The following SPATA13 variants were observed in gnomAD, a reference collection of about 807,000 sequenced individuals.
The protein encoded by SPATA13 is spermatogenesis-associated protein 13.
In SPATA13, 50 loss-of-function variants were observed where a neutral mutation model predicts 104.0. The observed-to-expected ratio is 0.48, with a 90% CI of 0.38 to 0.61. The LOEUF (loss-of-function observed/expected upper bound fraction) is 0.61. Among genes scored for constraint, SPATA13 ranks in the 20% least tolerant of loss-of-function variants. The pLI is 0.00. For missense variants in SPATA13, 1,524 were observed against 1,690.6 expected (o/e 0.90, Z 1.73); for synonymous variants, 606 against 667.5 (o/e 0.91, Z 1.42).
At chr13:24,019,761 AG>A (rs1468857024) in intron 3 of SPATA13, among the ~76,000 whole-genome samples, 6 of 152,340 alleles carry the variant, frequency 3.9e-5, no homozygotes, top group African/African-American at 1.4e-4. Flanking sequence ...TAGGCAGCTT[AG>A]GGCTCTGTAG....
chr13:24,123,765 TG>T, intron 3 of SPATA13: 1 of 1,321,620 alleles, frequency 7.6e-7, no homozygotes, highest in Non-Finnish European at 1.1e-6. Flanking sequence ...GCCTTGTATA[TG>T]GGGCTTTGGA....
intron 1 of SPATA13, among the ~76,000 whole-genome samples, chr13:24,197,596 GAAA>G (rs1358222774): frequency 1.3e-5 from 2 of 152,030 alleles, no homozygotes; most frequent in Admixed American, 6.5e-5. Flanking sequence ...TCTCTAATGA[GAAA>G]AAAAGAAATC....
At chr13:24,183,942 C>CCA (rs1868985054) in intron 1 of SPATA13, among the ~76,000 whole-genome samples, 1 of 152,086 alleles carries the variant, frequency 6.6e-6, no homozygotes, top group Non-Finnish European at 1.5e-5. Flanking sequence ...GGGTCACTTC[C>CCA]CACACACAGC....
intron 3 of SPATA13, among the ~76,000 whole-genome samples, chr13:24,124,260 T>G (rs1881137672): frequency 6.6e-6 from 1 of 152,226 alleles, no homozygotes; most frequent in Admixed American, 6.5e-5. Context: ...TCTTTAGTAG[T>G]CTATTGACAC....
Sources: allele counts gnomAD v4.1 joint callset (sites outside exome capture counted in the v4.1 genomes callset), GRCh38; gene constraint gnomAD v4.1.1; transcripts MANE v1.5; gene names NCBI Gene and HGNC (gene_info 2026-07-23, HGNC 2026-07-21).